TNIK: variants seen among roughly 807,000 people sequenced by gnomAD.
The protein encoded by TNIK is TRAF2 and NCK interacting kinase.
In TNIK, 49 loss-of-function variants were observed where a neutral mutation model predicts 191.3. The ratio of observed to expected loss-of-function variants is 0.26; its 90% CI spans 0.20 to 0.32. The LOEUF (loss-of-function observed/expected upper bound fraction) is 0.32, where lower values mean the gene tolerates loss of function less well. TNIK is among the 10% of genes least tolerant of loss of function. The pLI, the probability that TNIK is intolerant of heterozygous loss-of-function variation, is 1.00. For missense variants in TNIK, 1,155 were observed against 1,702.3 expected (o/e 0.68, Z 5.66); for synonymous variants, 594 against 600.9 (o/e 0.99, Z 0.17).
In TNIK at chr3:171,091,275, A is replaced by C. The variant is rs1482919827; in HGVS notation, c.2721+2564T>G. The stretch of plus-strand genomic sequence containing the variant: ...GAACAAAACAAAAGGCAGAGGAAGA[A>C]GGAATTTTCTCCCTCTTTTTCTTCT... On this transcript the variant is annotated intron_variant, in intron 23 of 32. Coordinates refer to ENST00000436636, the MANE Select transcript of TNIK (RefSeq NM_015028.4). Among the ~76,000 whole-genome samples, 6 of 152,330 alleles carry C rather than the reference A, an allele frequency of 3.9e-5. No homozygotes were observed. The East Asian group carries it at 5.8e-4, about 15-fold the overall frequency.
chr3:171,268,439 C>G (rs1368981766), intron 2 of TNIK, among the ~76,000 whole-genome samples: 3 of 152,014 alleles, frequency 2.0e-5, no homozygotes, highest in African/African-American at 7.2e-5. Flanking sequence ...CCATTGACCT[C>G]CCTACTCTGC....
chr3:171,253,672 A>T (rs1418126927), intron 2 of TNIK, among the ~76,000 whole-genome samples: 1 of 148,868 alleles, frequency 6.7e-6, no homozygotes, highest in East Asian at 2.0e-4. Context: ...CCCTACAATA[A>T]ATTGAAGTAA....
chr3:171,059,665 G>T lies in TNIK; in HGVS notation c.*4216C>A, dbSNP rs548650991. ...AAGGACAGCTTACTTTAGGGTTCCTGATATATAGTGACCAAGGAGATATAG... is the reference window on the plus strand; with the variant it reads ...AAGGACAGCTTACTTTAGGGTTCCTTATATATAGTGACCAAGGAGATATAG... On this transcript the variant is annotated 3_prime_UTR_variant, in exon 33 of 33. Coordinates refer to ENST00000436636, the MANE Select transcript of TNIK (RefSeq NM_015028.4). 6.6e-6 allele frequency among the ~76,000 whole-genome samples: 1 copy of T among 152,182 alleles called. No homozygotes were observed. Among genetic ancestry groups the T allele is most frequent in the Non-Finnish European group, 1.5e-5 (1 of 68,014 alleles).
At chr3:171,192,792 T>A (rs1738215224) in intron 5 of TNIK, among the ~76,000 whole-genome samples, 2 of 152,172 alleles carry the variant, frequency 1.3e-5, no homozygotes, top group African/African-American at 4.8e-5. Context: ...CAATGGCACA[T>A]CAAAACAGAG....
intron 2 of TNIK, among the ~76,000 whole-genome samples, chr3:171,247,253 A>C (rs760222659): frequency 6.6e-6 from 1 of 152,264 alleles, no homozygotes; most frequent in Non-Finnish European, 1.5e-5. Context: ...ATTGCAGTTC[A>C]TCTGTCCTCT....
At chr3:171,177,085 C>T (rs751850135) in intron 8 of TNIK, among the ~76,000 whole-genome samples, 2 of 151,526 alleles carry the variant, frequency 1.3e-5, no homozygotes, top group Non-Finnish European at 2.9e-5. Context: ...ACAAGACTCC[C>T]CAAAGTATGC....
intron 20 of TNIK, among the ~76,000 whole-genome samples, 172 bp from the exon 21 acceptor site, chr3:171,107,378 A>ACTTTAAGTACCGAGGTACTTAAAG (rs1307280651): frequency 1.3e-5 from 2 of 152,228 alleles, no homozygotes; most frequent in African/African-American, 2.4e-5. Context: ...TACTCTCGGT[A>ACTTTAAGTACCGAGGTACTTAAAG]TACGTCGTTA....
At chr3:171,211,002 G>T in intron 4 of TNIK, 114 bp downstream of exon 4, 1 of 1,309,664 alleles carries the variant, frequency 7.6e-7, no homozygotes, top group Non-Finnish European at 1.1e-6. Flanking sequence ...ACATCATGGG[G>T]GCTAATGGTT....
intron 2 of TNIK, among the ~76,000 whole-genome samples, chr3:171,340,122 A>G (rs1335929527): frequency 6.6e-6 from 1 of 152,248 alleles, no homozygotes; most frequent in Non-Finnish European, 1.5e-5. Context: ...ATGACATGAA[A>G]AAAATGCTAA....
intron 2 of TNIK, among the ~76,000 whole-genome samples, chr3:171,338,993 T>C (rs541179831): frequency 4.9e-4 from 75 of 152,320 alleles, no homozygotes; most frequent in Non-Finnish European, 9.3e-4. Flanking sequence ...ATTTTCTGTC[T>C]CCCATGCCTT....
chr3:171,184,159 T>C (rs1737073902), intron 7 of TNIK, among the ~76,000 whole-genome samples: 1 of 152,164 alleles, frequency 6.6e-6, no homozygotes, highest in African/African-American at 2.4e-5. Flanking sequence ...TCCCCTGAGT[T>C]AATTTGCAAA....
intron 2 of TNIK, among the ~76,000 whole-genome samples, chr3:171,315,501 A>G (rs1754506801): frequency 6.6e-6 from 1 of 152,276 alleles, no homozygotes; most frequent in South Asian, 2.1e-4. Context: ...AGAAGGGTGT[A>G]TTAGTTGCCC....
In TNIK at chr3:171,366,364, T is replaced by C. The variant is rs1355101453; in HGVS notation, c.123+3256A>G. ...GCCCAAAACAGGAATAAGCTAAAAT[T>C]GGGAGTAAGACTAGAAGCAACTTTG... On this transcript the variant is annotated intron_variant, in intron 2 of 32. Transcript: ENST00000436636. This position sits in a 1 kb window ranked among gnomAD's most constrained non-coding sequence, Gnocchi z 4.1. Among the ~76,000 whole-genome samples the C allele has an allele frequency of 6.6e-6, 1 of 152,160 alleles. No individual in the cohort carries two copies. Among genetic ancestry groups the C allele is most frequent in the Admixed American group, 6.5e-5 (1 of 15,282 alleles).
intron 10 of TNIK, among the ~76,000 whole-genome samples, chr3:171,165,037 C>A (rs74492638): frequency 6.6e-6 from 1 of 152,304 alleles, no homozygotes; most frequent in African/African-American, 2.4e-5. Flanking sequence ...CCTATAATAC[C>A]AGCACTTTGG....
intron 9 of TNIK, among the ~76,000 whole-genome samples, chr3:171,172,992 G>A (rs928416191): frequency 8.5e-5 from 13 of 152,196 alleles, no homozygotes; most frequent in Admixed American, 2.6e-4. Context: ...GGTCTCAGTC[G>A]GTGAAAACTG....
chr3:171,096,041 G>A (rs115627101), intron 22 of TNIK, among the ~76,000 whole-genome samples: 167 of 151,728 alleles, frequency 1.1e-3, no homozygotes, highest in Non-Finnish European at 2.0e-3. Context: ...CCTTTGTGCC[G>A]TAAGTACTTG....
chr3:171,074,914 T>C (rs17236921), intron 28 of TNIK, among the ~76,000 whole-genome samples: 11,646 of 152,250 alleles, frequency 0.076, 506 homozygotes, highest in Middle Eastern at 0.13. Context: ...TACCAGATAT[T>C]GCTCCCTGGT....
chr3:171,289,373 A>G (rs1218680004), intron 2 of TNIK, among the ~76,000 whole-genome samples: 1 of 152,190 alleles, frequency 6.6e-6, no homozygotes, highest in Non-Finnish European at 1.5e-5. Context: ...TAAGGTCTTA[A>G]AAACTCTTCA....
intron 3 of TNIK, among the ~76,000 whole-genome samples, chr3:171,214,275 A>C (rs1741200442): frequency 6.6e-6 from 1 of 151,948 alleles, no homozygotes; most frequent in South Asian, 2.1e-4. Context: ...AGCCTCTCAC[A>C]ATATGGCCCA....
Sources: gnomAD v4.1 joint callset for allele counts (sites outside exome capture counted in the v4.1 genomes callset) on GRCh38, gnomAD v4.1.1 for gene constraint, Gnocchi (gnomAD v3.1) non-coding constraint, MANE v1.5 for transcripts, NCBI Gene and HGNC (gene_info 2026-07-23, HGNC 2026-07-21) for gene names.